ERBB4: variants seen among roughly 807,000 people sequenced by gnomAD.
The protein encoded by ERBB4 is erb-b2 receptor tyrosine kinase 4.
In ERBB4, 42 loss-of-function variants were observed where a neutral mutation model predicts 158.0. The ratio of observed to expected loss-of-function variants is 0.27; its 90% confidence interval spans 0.21 to 0.34. ERBB4 has a LOEUF of 0.34. Among genes scored for constraint, ERBB4 ranks in the 10% least tolerant of loss-of-function variants. The pLI is 1.00. For synonymous variants in ERBB4, 583 were observed against 558.7 expected, an observed-to-expected ratio of 1.04 and a Z score of -0.61; for missense variants, 1,333 against 1,624.1, an observed-to-expected ratio of 0.82 and a Z score of 3.08.
intron 20 of ERBB4, among the ~76,000 whole-genome samples, chr2:211,476,917 A>G (rs920967463): frequency 6.6e-6 from 1 of 152,080 alleles, no homozygotes; most frequent in African/African-American, 2.4e-5. Flanking sequence ...ATAAATTGCA[A>G]AGGAAAAAGA....
At chr2:212,059,695 G>A (rs1394373211) in intron 2 of ERBB4, among the ~76,000 whole-genome samples, 1 of 152,146 alleles carries the variant, frequency 6.6e-6, no homozygotes, top group East Asian at 1.9e-4. Context: ...AATGGAGAAA[G>A]ATTCCCTATT....
chr2:211,750,788 T>TC, intron 4 of ERBB4, 84 bp from the exon 5 acceptor site: 1 of 1,192,468 alleles, frequency 8.4e-7, no homozygotes, highest in Non-Finnish European at 1.2e-6. Context: ...AAGGAAATAC[T>TC]CCTGCTCCTT....
chr2:211,841,641 A>T (rs543799720), intron 3 of ERBB4, among the ~76,000 whole-genome samples: 58 of 152,024 alleles, frequency 3.8e-4, no homozygotes, highest in African/African-American at 1.3e-3. Flanking sequence ...TTTTAAATTT[A>T]TCTCCATGTT....
At chr2:212,328,592 T>C (rs766980729) in intron 1 of ERBB4, among the ~76,000 whole-genome samples, 2 of 151,958 alleles carry the variant, frequency 1.3e-5, no homozygotes, top group African/African-American at 2.4e-5. Flanking sequence ...TTCAGAAAGG[T>C]CTATAATTCT....
chr2:212,163,578 T>A (rs561413526), intron 1 of ERBB4, among the ~76,000 whole-genome samples: 1 of 151,938 alleles, frequency 6.6e-6, no homozygotes, highest in East Asian at 1.9e-4. Context: ...GAATAATGAA[T>A]AATTTTTACT....
At chr2:212,066,108 T>G (rs1324169335) in intron 2 of ERBB4, among the ~76,000 whole-genome samples, 3 of 151,948 alleles carry the variant, frequency 2.0e-5, no homozygotes, top group Admixed American at 2.0e-4. Context: ...GGGTTGAAAG[T>G]GGCCACTATT....
intron 3 of ERBB4, among the ~76,000 whole-genome samples, chr2:211,831,887 C>A (rs978585851): frequency 6.7e-6 from 1 of 150,008 alleles, no homozygotes; most frequent in South Asian, 2.1e-4. Context: ...TGGGCAACAA[C>A]AGCGAGACTC....
intron 2 of ERBB4, among the ~76,000 whole-genome samples, chr2:212,086,001 T>A (rs528736009): frequency 3.3e-5 from 5 of 152,054 alleles, no homozygotes; most frequent in Admixed American, 1.3e-4. Context: ...GAGCTATACA[T>A]CTGAGAACTT....
At chr2:212,341,431 T>A (rs1021860751) in intron 1 of ERBB4, among the ~76,000 whole-genome samples, 7 of 152,058 alleles carry the variant, frequency 4.6e-5, no homozygotes, top group African/African-American at 1.4e-4. Flanking sequence ...TTCTGAACTT[T>A]TTAGCTTCCT....
chr2:212,336,749 A>C (rs1183889258), intron 1 of ERBB4, among the ~76,000 whole-genome samples: 1 of 152,038 alleles, frequency 6.6e-6, no homozygotes, highest in Non-Finnish European at 1.5e-5. Flanking sequence ...TAGTGGACTC[A>C]CTCTAACTCT....
intron 2 of ERBB4, among the ~76,000 whole-genome samples, chr2:211,967,733 G>A (rs1328422463): frequency 6.6e-6 from 1 of 151,926 alleles, no homozygotes. Flanking sequence ...AGGAACCTAA[G>A]TTGGCATAAT....
chr2:211,918,577 G>A (rs111596843), intron 3 of ERBB4, among the ~76,000 whole-genome samples: 34 of 152,196 alleles, frequency 2.2e-4, no homozygotes, highest in African/African-American at 5.5e-4. Flanking sequence ...GTAATACCAC[G>A]TTTGCGGCAG....
At chr2:211,852,105 A>G (rs2077734634) in intron 3 of ERBB4, among the ~76,000 whole-genome samples, 2 of 151,878 alleles carry the variant, frequency 1.3e-5, no homozygotes, top group Non-Finnish European at 2.9e-5. Context: ...TTATCATTCT[A>G]TGTCAGTCTC....
At chr2:212,170,587 G>C (rs2081485057) in intron 1 of ERBB4, among the ~76,000 whole-genome samples, 1 of 152,158 alleles carries the variant, frequency 6.6e-6, no homozygotes, top group Admixed American at 6.5e-5. Context: ...AGGAAAAAAT[G>C]GTTTAGCAGG....
chr2:211,424,159 G>C lies in ERBB4; in HGVS notation c.2862C>G (p.Val954=), dbSNP rs779572984. 3.1e-6 allele frequency: 5 copies of C among 1,612,798 alleles called. No homozygotes were observed. The highest frequency in any genetic ancestry group is 3.4e-6 in the Non-Finnish European group (4 of 1,179,076). The change falls in exon 23 of 28, where the codon GTC becomes GTG. Residue 954 remains valine (V), a synonymous_variant. Transcript: ENST00000342788. ...ICTIDVYMVM[V]KCWMIDADSR... ...AACATTATTTTGCAGTCTTACATTT[G>C]ACCATGACCATGTAAACGTCAATAG...
chr2:212,394,667 G>T (rs1406487835), intron 1 of ERBB4, among the ~76,000 whole-genome samples: 2 of 151,942 alleles, frequency 1.3e-5, no homozygotes, highest in Non-Finnish European at 2.9e-5. Flanking sequence ...TATTTCATGT[G>T]TTTCCATAAT....
chr2:212,072,950 A>G (rs2078167125), intron 2 of ERBB4, among the ~76,000 whole-genome samples: 2 of 119,320 alleles, frequency 1.7e-5, no homozygotes, highest in Admixed American at 7.9e-5. Context: ...AAACAACAAC[A>G]ACAACAACAA....
intron 1 of ERBB4, among the ~76,000 whole-genome samples, chr2:212,271,696 T>G (rs1430535244): frequency 6.6e-6 from 1 of 151,772 alleles, no homozygotes; most frequent in East Asian, 1.9e-4. Flanking sequence ...CCCAGTAGAC[T>G]TCTGATAAAA....
chr2:212,002,511 GTAAAGCA>G (rs2076129850), intron 2 of ERBB4, among the ~76,000 whole-genome samples: 1 of 152,114 alleles, frequency 6.6e-6, no homozygotes, highest in Admixed American at 6.6e-5. Flanking sequence ...AAACCCAGAT[GTAAAGCA>G]TAGCAAAAAT....
Sources: allele counts gnomAD v4.1 joint callset (sites outside exome capture counted in the v4.1 genomes callset), GRCh38; gene constraint gnomAD v4.1.1; transcripts MANE v1.5; gene names NCBI Gene and HGNC (gene_info 2026-07-23, HGNC 2026-07-21).